Variants in PPP2R5E observed in about 807,000 individuals in gnomAD.
The protein encoded by PPP2R5E is serine/threonine-protein phosphatase 2A 56 kDa regulatory subunit epsilon isoform.
PPP2R5E carries 4 observed loss-of-function variants against 65.3 expected under a neutral mutation model. That is an observed-to-expected ratio of 0.06 (90% CI 0.03 to 0.14). PPP2R5E has a LOEUF of 0.14. Among genes scored for constraint, PPP2R5E ranks in the 10% least tolerant of loss-of-function variants. The pLI is 1.00. For missense variants in PPP2R5E, 274 were observed against 556.1 expected (o/e 0.49, Z 5.10); for synonymous variants, 183 against 187.4 (o/e 0.98, Z 0.19).
intron 2 of PPP2R5E, among the ~76,000 whole-genome samples, chr14:63,507,171 G>A (rs1892224814): frequency 6.6e-6 from 1 of 152,224 alleles, no homozygotes; most frequent in Admixed American, 6.5e-5. Flanking sequence ...GCCTGGGTAA[G>A]TAGTGAGCAC....
chr14:63,393,786 T>G (rs781026860), intron 8 of PPP2R5E, 34 bp downstream of exon 8: 2 of 1,391,426 alleles, frequency 1.4e-6, no homozygotes, highest in Admixed American at 4.1e-5. Flanking sequence ...CTTTTTATTT[T>G]GCTTCTAAAA....
intron 2 of PPP2R5E, among the ~76,000 whole-genome samples, chr14:63,496,391 C>T (rs1891569656): frequency 6.7e-6 from 1 of 148,284 alleles, no homozygotes; most frequent in Non-Finnish European, 1.5e-5. Flanking sequence ...TTGCAATGAG[C>T]CAAGATCACG....
At chr14:63,419,611 TCAG>T (rs761539148) in intron 4 of PPP2R5E, among the ~76,000 whole-genome samples, 4,785 of 152,248 alleles carry the variant, frequency 0.031, 144 homozygotes, top group East Asian at 0.13. Context: ...TGAGACCAAG[TCAG>T]GAGCCTTGGT....
intron 13 of PPP2R5E, among the ~76,000 whole-genome samples, chr14:63,379,558 C>A (rs1438773955): frequency 2.6e-5 from 4 of 151,938 alleles, no homozygotes; most frequent in Non-Finnish European, 5.9e-5. Flanking sequence ...AGGCGTGAGC[C>A]ACTACGCCTG....
chr14:63,504,058 T>C (rs1272489379), intron 2 of PPP2R5E, among the ~76,000 whole-genome samples: 1 of 152,090 alleles, frequency 6.6e-6, no homozygotes, highest in Non-Finnish European at 1.5e-5. Flanking sequence ...ATATGAGAAG[T>C]TTTGAATCAC....
In PPP2R5E at chr14:63,382,089, T is replaced by G; in HGVS notation, c.1271A>C (p.Glu424Ala). 1 of 1,613,834 alleles carries G rather than the reference T, an allele frequency of 6.2e-7. No individual in the cohort carries two copies. Among genetic ancestry groups the G allele is most frequent in the Non-Finnish European group, 8.5e-7 (1 of 1,179,818 alleles). ...ATCTGACTTGTATGTGGCTGTCAGC[T>G]CGTCAAACATGGTGCTGTTCATTTC... ...FMEMNSTMFD[E>A]LTATYKSDRQ... Residue 424 changes from glutamate (E) to alanine (A), a missense_variant, in exon 13 of 14, where the codon GAG becomes GCG. This residue lies in a region of PPP2R5E where 129 missense variants were observed against 254.9 expected (regional missense o/e 0.51). Transcript: ENST00000337537.
chr14:63,402,038 T>C (rs1885783100), intron 5 of PPP2R5E, among the ~76,000 whole-genome samples: 1 of 152,194 alleles, frequency 6.6e-6, no homozygotes, highest in Non-Finnish European at 1.5e-5. Flanking sequence ...CTGGAGAGAA[T>C]GAGTAAGTAT....
rs1234274339 is a variant in PPP2R5E, at chr14:63,500,874, AAAAAG to A, written c.157+38650_157+38654del. On this transcript the variant is annotated intron_variant, in intron 2 of 13. Coordinates refer to ENST00000337537, the MANE Select transcript of PPP2R5E (RefSeq NM_006246.5). ...AGAGTGAGACCGCATCTCTAAAAAAAAAAAGAAAAAGAAAAACTATGACATCCTAG... is the reference window on the plus strand; with the variant it reads ...AGAGTGAGACCGCATCTCTAAAAAAAAAAAAGAAAAACTATGACATCCTAG... Among the ~76,000 whole-genome samples, 8 of 152,252 alleles carry A rather than the reference AAAAAG, an allele frequency of 5.3e-5. No homozygotes were observed. In the East Asian group the frequency reaches 1.5e-3, roughly 29 times the overall value.
chr14:63,535,043 G>A (rs1893611966), intron 2 of PPP2R5E, among the ~76,000 whole-genome samples: 1 of 152,180 alleles, frequency 6.6e-6, no homozygotes, highest in Non-Finnish European at 1.5e-5. Context: ...GGAAAAACCA[G>A]GTAGATTTAT....
rs575770250 is a variant in PPP2R5E, at chr14:63,508,070, G to A, written c.157+31459C>T. The A allele has an allele frequency of 5.7e-6, 5 of 876,244 alleles. No homozygotes were observed. The East Asian group carries it at 4.9e-4, about 85-fold the overall frequency. 54.3% of individuals were successfully genotyped at this position (876,244 alleles called of 1,614,324 possible). ...GATCCAATGTAATAGCCTGATCCAA[G>A]CCCATAAACCCTCACTCCACCCTCC... On this transcript the variant is annotated intron_variant, in intron 2 of 13. Coordinates refer to ENST00000337537, the MANE Select transcript of PPP2R5E (RefSeq NM_006246.5).
intron 2 of PPP2R5E, among the ~76,000 whole-genome samples, chr14:63,532,195 T>C (rs994224643): frequency 6.6e-6 from 1 of 152,148 alleles, no homozygotes; most frequent in Non-Finnish European, 1.5e-5. Flanking sequence ...ATACCTACTA[T>C]ACAAGAGTAT....
chr14:63,430,990 C>T (rs1032389848), intron 3 of PPP2R5E, among the ~76,000 whole-genome samples: 3 of 152,134 alleles, frequency 2.0e-5, no homozygotes, highest in South Asian at 2.1e-4. Flanking sequence ...CATGTCCTGG[C>T]CAGGCATGGT....
At chr14:63,472,695 C>T (rs1190414912) in intron 2 of PPP2R5E, among the ~76,000 whole-genome samples, 1 of 152,194 alleles carries the variant, frequency 6.6e-6, no homozygotes, top group East Asian at 1.9e-4. Flanking sequence ...TAGACAAGAA[C>T]AGCACAGAGG....
At chr14:63,506,172 C>T (rs61983975) in intron 2 of PPP2R5E, among the ~76,000 whole-genome samples, 19,121 of 152,090 alleles carry the variant, frequency 0.13, 1,341 homozygotes, top group East Asian at 0.21. Context: ...AAAGATTGGC[C>T]GGGCGCAGTG....
chr14:63,465,450 C>CAAAAAAAAAA (rs1171345415), intron 2 of PPP2R5E, among the ~76,000 whole-genome samples: 19 of 47,354 alleles, frequency 4.0e-4, no homozygotes, highest in African/African-American at 1.4e-3. Flanking sequence ...TCCACCTCTA[C>CAAAAAAAAAA]AAAAAAAAAA....
intron 2 of PPP2R5E, among the ~76,000 whole-genome samples, chr14:63,457,289 A>C (rs1041802243): frequency 1.1e-4 from 17 of 152,216 alleles, no homozygotes; most frequent in African/African-American, 3.9e-4. Context: ...TGTCTATGTA[A>C]GCAGTCCCTG....
At chr14:63,451,573 G>C (rs1318525721) in intron 3 of PPP2R5E, 1 of 152,324 alleles carries the variant, frequency 6.6e-6, no homozygotes, top group Non-Finnish European at 1.5e-5. Flanking sequence ...GGGTGATGAA[G>C]AAGTGGAGCA....
intron 5 of PPP2R5E, among the ~76,000 whole-genome samples, chr14:63,400,698 C>A (rs868189914): frequency 1.0e-3 from 2 of 1,968 alleles, no homozygotes; most frequent in African/African-American, 1.2e-3. Flanking sequence ...CCCCAACCAG[C>A]CAAAAAAAAA....
chr14:63,525,051 G>T (rs1388072766), intron 2 of PPP2R5E, among the ~76,000 whole-genome samples: 1 of 152,196 alleles, frequency 6.6e-6, no homozygotes, highest in Non-Finnish European at 1.5e-5. Context: ...CTCTCTGCAC[G>T]AGTGGGCAAG....
Sources: allele counts gnomAD v4.1 joint callset (sites outside exome capture counted in the v4.1 genomes callset), GRCh38; gene constraint gnomAD v4.1.1; regional missense constraint gnomAD v4.1.1; transcripts MANE v1.5; gene names NCBI Gene and HGNC (gene_info 2026-07-23, HGNC 2026-07-21).